Variants in SPDYE3 observed in about 807,000 individuals in gnomAD.
SPDYE3 encodes speedy protein E3.
Under a neutral mutation model 55.0 loss-of-function variants are expected in SPDYE3, and 15 were observed. The ratio of observed to expected loss-of-function variants is 0.27; its 90% CI spans 0.18 to 0.42. SPDYE3 has a LOEUF of 0.42. Ranked by LOEUF, SPDYE3 falls within the 10% of genes least tolerant of loss-of-function variation. The pLI is 1.00. For synonymous variants in SPDYE3, 89 were observed against 229.9 expected (o/e 0.39, Z 5.55); for missense variants, 236 against 576.7 (o/e 0.41, Z 6.05).
intron 1 of SPDYE3, among the ~76,000 whole-genome samples, chr7:100,308,717 A>C (rs1433998590): frequency 1.3e-5 from 2 of 151,706 alleles, no homozygotes; most frequent in Non-Finnish European, 2.9e-5. Context: ...TCGAAACAAA[A>C]AAAAAAAAAG....
chr7:100,307,831 C>G lies in SPDYE3; in HGVS notation c.-55C>G. The G allele has an allele frequency of 1.3e-6, 2 of 1,533,186 alleles. No homozygotes were observed. Among genetic ancestry groups the G allele is most frequent in the Non-Finnish European group, 1.7e-6 (2 of 1,145,054 alleles). The allele number at this position is 1,533,186 out of a possible 1,614,324, so 95.0% of individuals were successfully genotyped here. A position where few individuals can be genotyped will look rare whatever the true frequency, so the allele number is the denominator to read the frequency against. On this transcript the variant is annotated 5_prime_UTR_variant, in exon 1 of 11. Coordinates refer to ENST00000332397, the MANE Select transcript of SPDYE3 (RefSeq NM_001004351.5). ...ATCCCAGCAGTGTCCAGAAGAAGAC[C>G]AAGGACAGAACAGAGACTAGCTTCG...
rs922702091 is a variant in SPDYE3, at chr7:100,321,175, C to T, written c.*330C>T. On this transcript the variant is annotated 3_prime_UTR_variant, in exon 11 of 11. Transcript: ENST00000332397. ...TTTTATATTGCTGAATGCCAACCTC[C>T]CTGGGGCGGAACCTGGAGGTCCTGT... 1.9e-4 allele frequency: 96 copies of T among 506,340 alleles called. No individual in the cohort carries two copies. In the Middle Eastern group the frequency reaches 3.4e-3, roughly 18 times the overall value. 31.4% of individuals were successfully genotyped at this position (506,340 alleles called of 1,614,324 possible).
chr7:100,320,147 CCT>C, intron 10 of SPDYE3, 112 bp downstream of exon 10: 6 of 1,527,378 alleles, frequency 3.9e-6, no homozygotes, highest in South Asian at 1.2e-5. Context: ...CGAGATATCC[CCT>C]CTCCACAAAA....
chr7:100,317,211 G>A, intron 8 of SPDYE3, 56 bp downstream of exon 8: 1 of 1,583,364 alleles, frequency 6.3e-7, no homozygotes. Flanking sequence ...GACAGCGGGG[G>A]AAGTGGGATT....
In SPDYE3 at chr7:100,314,570, G is replaced by A. The variant is rs759037775; in HGVS notation, c.1021G>A (p.Gly341Ser). The change falls in exon 6 of 11, where the codon GGC becomes AGC. Residue 341 changes from glycine (G) to serine (S), a missense_variant. By Grantham distance (56) the Gly-to-Ser change is moderately conservative. Transcript: ENST00000332397. Reference protein sequence around the residue: ...VDPSPPRRSLGCKRKRECLDE... With the variant: ...VDPSPPRRSLSCKRKRECLDE... ...TCCCAGCCCCCCGCGTAGGTCCCTT[G>A]GCTGCAAAAGGAAGAGGGAGTGTTT... The A allele has an allele frequency of 3.4e-5, 47 of 1,394,282 alleles. 15 individuals are homozygous for A. Among genetic ancestry groups the A allele is most frequent in the Non-Finnish European group, 4.5e-5 (46 of 1,020,588 alleles). 86.4% of individuals were successfully genotyped at this position (1,394,282 alleles called of 1,614,324 possible).
intron 8 of SPDYE3, among the ~76,000 whole-genome samples, chr7:100,317,844 C>T (rs1180289234): frequency 2.0e-4 from 30 of 148,740 alleles, no homozygotes; most frequent in African/African-American, 5.7e-4. Context: ...GGTGTGGTGG[C>T]GGGCACCTGT....
At chr7:100,319,531 T>G (rs1237566689) in intron 8 of SPDYE3, 34 bp from the exon 9 acceptor site, 1 of 1,613,776 alleles carries the variant, frequency 6.2e-7, no homozygotes, top group African/African-American at 1.3e-5. Context: ...CTCCTGGTGG[T>G]GCCCCTGAGC....
intron 1 of SPDYE3, among the ~76,000 whole-genome samples, chr7:100,308,330 C>CAAA (rs1302549830): frequency 4.3e-5 from 2 of 46,596 alleles, no homozygotes; most frequent in Middle Eastern, 0.015. Flanking sequence ...GACGCTGTCT[C>CAAA]AAAAAAAAAA....
chr7:100,320,625 G>T, intron 10 of SPDYE3: 1 of 1,043,660 alleles, frequency 9.6e-7, no homozygotes, highest in Non-Finnish European at 1.2e-6. Context: ...CCTACTCCCT[G>T]GGAAGACCCA....
chr7:100,320,179 G>A (rs964623975), intron 10 of SPDYE3, 144 bp downstream of exon 10: 18 of 1,457,096 alleles, frequency 1.2e-5, no homozygotes, highest in African/African-American at 1.1e-4. Context: ...TTAGCCAGGC[G>A]ATGTGGGAGG....
rs1372115686 is a variant in SPDYE3, at chr7:100,307,998, G to A, written c.106+7G>A. 2.6e-6 allele frequency: 4 copies of A among 1,544,912 alleles called. No individual in the cohort carries two copies. The Admixed American group carries it at 7.8e-5, about 30-fold the overall frequency. ...GAAGTGTCGGGACCATCAGGTGAGGGGACTGGAGGAAGAAGAGGTGGCATA... is the reference window on the plus strand; with the variant it reads ...GAAGTGTCGGGACCATCAGGTGAGGAGACTGGAGGAAGAAGAGGTGGCATA... On this transcript the variant is annotated splice_region_variant and intron_variant, in intron 1 of 10. Transcript: ENST00000332397.
intron 3 of SPDYE3, among the ~76,000 whole-genome samples, 157 bp from the exon 4 acceptor site, chr7:100,311,593 A>G (rs1195893525): frequency 2.9e-5 from 4 of 138,818 alleles, no homozygotes; most frequent in African/African-American, 1.1e-4. Flanking sequence ...AAGGAGTGGC[A>G]CATGGGGTTG....
chr7:100,319,257 A>G (rs1352618241), intron 8 of SPDYE3, among the ~76,000 whole-genome samples: 4 of 152,138 alleles, frequency 2.6e-5, no homozygotes, highest in Admixed American at 2.0e-4. Flanking sequence ...TATGTTGCCC[A>G]GGCCTGTCTC....
At position 100,319,997 on chromosome 7, in the gene SPDYE3, A is replaced by G. The variant is rs1356831833; in HGVS notation, c.*7A>G. The G allele has an allele frequency of 6.2e-7, 1 of 1,608,758 alleles. No individual in the cohort carries two copies. The highest frequency in any genetic ancestry group is 2.2e-5 in the East Asian group (1 of 44,882). On this transcript the variant is annotated 3_prime_UTR_variant, in exon 10 of 11. Coordinates refer to ENST00000332397, the MANE Select transcript of SPDYE3 (RefSeq NM_001004351.5). Reference sequence around the variant, plus strand: ...TCGCGCCCACCTTTCCTAGAGCTCCAGGGACCGTGGAGGCCTGAGGTCATC... The same window carrying G: ...TCGCGCCCACCTTTCCTAGAGCTCCGGGGACCGTGGAGGCCTGAGGTCATC...
At chr7:100,314,475 G>A in intron 5 of SPDYE3, 57 bp from the exon 6 acceptor site, 1 of 983,816 alleles carries the variant, frequency 1.0e-6, no homozygotes, top group Non-Finnish European at 1.5e-6. Context: ...TTTGGGGTCG[G>A]GGTCTAACGT....
chr7:100,309,518 C>A (rs1245010493), intron 2 of SPDYE3, among the ~76,000 whole-genome samples: 1 of 140,312 alleles, frequency 7.1e-6, no homozygotes, highest in Non-Finnish European at 1.6e-5. Flanking sequence ...TATGACTGCA[C>A]CACTGCACTC....
chr7:100,315,605 C>G (rs373849904), intron 6 of SPDYE3, among the ~76,000 whole-genome samples, 180 bp from the exon 7 acceptor site: 20 of 151,552 alleles, frequency 1.3e-4, no homozygotes, highest in South Asian at 6.3e-4. Flanking sequence ...TCAGGGGAGT[C>G]TCAGAGCAGG....
chr7:100,308,484 G>A (rs1318928577), intron 1 of SPDYE3, among the ~76,000 whole-genome samples: 3 of 150,746 alleles, frequency 2.0e-5, no homozygotes, highest in African/African-American at 4.9e-5. Context: ...CAAGGCAGGC[G>A]GATCACGTGA....
At position 100,319,817 on chromosome 7, in the gene SPDYE3, G is replaced by A. The variant is rs374508596; in HGVS notation, c.1590+9G>A. 12 of 1,614,004 alleles carry A rather than the reference G, an allele frequency of 7.4e-6. No individual in the cohort carries two copies. In the African/African-American group the frequency reaches 1.1e-4, roughly 14 times the overall value. ...CGGAGGAGTTGGAGGAGGTGGGTGG[G>A]GCCTGGGGAGGTGGAGGATGTGGGG... is the stretch of plus-strand genomic sequence containing the variant. On this transcript the variant is annotated intron_variant, in intron 9 of 10. Coordinates refer to ENST00000332397, the MANE Select transcript of SPDYE3 (RefSeq NM_001004351.5).
Sources: gnomAD v4.1 joint callset for allele counts (sites outside exome capture counted in the v4.1 genomes callset) on GRCh38, gnomAD v4.1.1 for gene constraint, MANE v1.5 for transcripts, NCBI Gene and HGNC (gene_info 2026-07-23, HGNC 2026-07-21) for gene names.